PCDHGC4: variants seen among roughly 807,000 people sequenced by gnomAD.
PCDHGC4 encodes the protein protocadherin gamma subfamily C, 4, also known as protocadherin gamma-C4.
Under a neutral mutation model 59.7 loss-of-function variants are expected in PCDHGC4, and 15 were observed. The ratio of observed to expected loss-of-function variants is 0.25; its 90% CI spans 0.17 to 0.39. The LOEUF is 0.39. Among genes scored for constraint, PCDHGC4 ranks in the 10% least tolerant of loss-of-function variants. PCDHGC4 has a pLI of 1.00. For missense variants in PCDHGC4, 1,016 were observed against 1,189.5 expected (o/e 0.85, Z 2.15); for synonymous variants, 434 against 481.4 (o/e 0.90, Z 1.29).
In PCDHGC4 at chr5:141,489,071, CA is replaced by C; in HGVS notation, c.2442+1457del. 3.1e-6 allele frequency: 1 copy of C among 326,700 alleles called. No homozygotes were observed. Among genetic ancestry groups the C allele is most frequent in the East Asian group, 5.9e-5 (1 of 17,012 alleles). 20.2% of individuals were successfully genotyped at this position (326,700 alleles called of 1,614,324 possible). A position where few individuals can be genotyped will look rare whatever the true frequency, so the allele number is the denominator to read the frequency against. On this transcript the variant is annotated intron_variant, in intron 1 of 3. Transcript: ENST00000306593. This position sits in a 1 kb window ranked among gnomAD's most constrained non-coding sequence, Gnocchi z 4.5. Reference sequence around the variant, plus strand: ...AAATTCAGCTCCCCTCCCCCCTGCCCACCCCCGCCACTCGGTGACTAAGAAC... The same window carrying C: ...AAATTCAGCTCCCCTCCCCCCTGCCCCCCCCGCCACTCGGTGACTAAGAAC...
chr5:141,511,560 T>C lies in PCDHGC4; in HGVS notation c.*387T>C. ...CCACCCCACTCCAACAGTTCCTCTT[T>C]CCCGAGTAAGGTGGTTGGGGTGTTG... On this transcript the variant is annotated 3_prime_UTR_variant, in exon 4 of 4. Coordinates refer to ENST00000306593, the MANE Select transcript of PCDHGC4 (RefSeq NM_018928.3). The C allele has an allele frequency of 3.3e-6, 1 of 298,990 alleles. No homozygotes were observed. The highest frequency in any genetic ancestry group is 3.7e-5 in the South Asian group (1 of 27,250). The allele number at this position is 298,990 out of a possible 1,614,324, so 18.5% of individuals were successfully genotyped here.
At chr5:141,504,288 GT>G (rs1175142876) in intron 2 of PCDHGC4, among the ~76,000 whole-genome samples, 1 of 152,124 alleles carries the variant, frequency 6.6e-6, no homozygotes, top group Non-Finnish European at 1.5e-5. Flanking sequence ...ATCATTTCAT[GT>G]TTTTTCAACA....
At chr5:141,503,241 A>G (rs1399557839) in intron 2 of PCDHGC4, among the ~76,000 whole-genome samples, 1 of 152,074 alleles carries the variant, frequency 6.6e-6, no homozygotes, top group Non-Finnish European at 1.5e-5. Context: ...GACAGTTTCT[A>G]TCATACTCAC....
rs2099605934 is a variant in PCDHGC4, at chr5:141,485,057, C to G, written c.-117C>G. On this transcript the variant is annotated 5_prime_UTR_variant, in exon 1 of 4. Transcript: ENST00000306593. The surrounding 1 kb of genome is among the most constrained non-coding windows in gnomAD (Gnocchi z 5.7). ...GTAACCCTTGCGGCGCCGGCCGAAC[C>G]GCGCCAGAGCTGGCGCGGGGAAAGG... The G allele has an allele frequency of 1.2e-6, 1 of 843,720 alleles. No homozygotes were observed. Among genetic ancestry groups the G allele is most frequent in the Non-Finnish European group, 1.9e-6 (1 of 524,586 alleles). 52.3% of individuals were successfully genotyped at this position (843,720 alleles called of 1,614,324 possible).
chr5:141,506,304 C>A (rs569926873), intron 3 of PCDHGC4, among the ~76,000 whole-genome samples: 3 of 152,078 alleles, frequency 2.0e-5, no homozygotes, highest in Non-Finnish European at 4.4e-5. Context: ...CAAAAATTAG[C>A]TGGGCATGGT....
At chr5:141,508,434 G>A (rs2099868795) in intron 3 of PCDHGC4, among the ~76,000 whole-genome samples, 1 of 152,160 alleles carries the variant, frequency 6.6e-6, no homozygotes, top group Admixed American at 6.5e-5. Flanking sequence ...AGCTCACACA[G>A]TTCCTTAGTG....
At chr5:141,488,599 C>T (rs1017044328) in intron 1 of PCDHGC4, among the ~76,000 whole-genome samples, 1 of 152,152 alleles carries the variant, frequency 6.6e-6, no homozygotes, top group Non-Finnish European at 1.5e-5. Flanking sequence ...CAAGACTTTA[C>T]AAGGTTCTTA....
In PCDHGC4 at chr5:141,485,099, G is replaced by T; in HGVS notation, c.-75G>T. The T allele has an allele frequency of 8.7e-7, 1 of 1,145,218 alleles. No individual in the cohort carries two copies. Among genetic ancestry groups the T allele is most frequent in the Non-Finnish European group, 1.3e-6 (1 of 775,682 alleles). 70.9% of individuals were successfully genotyped at this position (1,145,218 alleles called of 1,614,324 possible). A position where few individuals can be genotyped will look rare whatever the true frequency, so the allele number is the denominator to read the frequency against. ...GGGGAAAGGGAGATAGGTGTCTCCA[G>T]CTGCTGTGGCTGTTTGGGGCGGGTC... On this transcript the variant is annotated 5_prime_UTR_variant, in exon 1 of 4. Transcript: ENST00000306593. The surrounding 1 kb of genome is among the most constrained non-coding windows in gnomAD (Gnocchi z 5.7).
At position 141,511,572 on chromosome 5, in the gene PCDHGC4, T is replaced by C. The variant is rs1366960269; in HGVS notation, c.*399T>C. The C allele has an allele frequency of 1.0e-5, 3 of 289,550 alleles. No homozygotes were observed. The East Asian group carries it at 2.4e-4, about 23-fold the overall frequency. 17.9% of individuals were successfully genotyped at this position (289,550 alleles called of 1,614,324 possible). ...AACAGTTCCTCTTTCCCGAGTAAGG[T>C]GGTTGGGGTGTTGAAGTACCAAGTA... On this transcript the variant is annotated 3_prime_UTR_variant, in exon 4 of 4. Coordinates refer to ENST00000306593, the MANE Select transcript of PCDHGC4 (RefSeq NM_018928.3).
chr5:141,485,408 T>C lies in PCDHGC4; in HGVS notation c.235T>C (p.Leu79=). Residue 79 remains leucine, a synonymous_variant, in exon 1 of 4, where the codon TTG becomes CTG. Transcript: ENST00000306593. The surrounding 1 kb of genome is among the most constrained non-coding windows in gnomAD (Gnocchi z 5.7). ...GAACCAAAGACACTTCCGTGTGGAT[T>C]TGGACAGCGGAGCCCTGCTCATCAA... The part of the protein sequence containing the change: ...EVNQRHFRVD[L]DSGALLIKNP... 1 of 1,614,112 alleles carries C rather than the reference T, an allele frequency of 6.2e-7. No individual in the cohort carries two copies. Among genetic ancestry groups the C allele is most frequent in the Non-Finnish European group, 8.5e-7 (1 of 1,180,034 alleles).
chr5:141,492,078 C>T (rs948391194), intron 1 of PCDHGC4: 4 of 483,290 alleles, frequency 8.3e-6, no homozygotes, highest in African/African-American at 2.0e-5. Flanking sequence ...GCGCCGGCTC[C>T]GGCACGCTTC....
In PCDHGC4 at chr5:141,487,120, T is replaced by C. The variant is rs1342042604; in HGVS notation, c.1947T>C (p.Asp649=). 1.9e-6 allele frequency: 3 copies of C among 1,613,948 alleles called. No homozygotes were observed. Among genetic ancestry groups the C allele is most frequent in the Admixed American group, 1.7e-5 (1 of 60,028 alleles). ...AGAAGCTGGTCATTGTGGTAAAGGA[T>C]AGTGGTAGTCCACCACTCTCTACCT... ...PPQKLVIVVK[D]SGSPPLSTSV... is the part of the protein sequence containing the mutation. The change falls in exon 1 of 4, where the codon GAT becomes GAC. Residue 649 remains aspartate (D), a synonymous_variant. Coordinates refer to ENST00000306593, the MANE Select transcript of PCDHGC4 (RefSeq NM_018928.3). The surrounding 1 kb of genome is among the most constrained non-coding windows in gnomAD (Gnocchi z 5.0).
In PCDHGC4 at chr5:141,485,539, G is replaced by T; in HGVS notation, c.366G>T (p.Glu122Asp). 6.2e-7 allele frequency: 1 copy of T among 1,614,104 alleles called. No individual in the cohort carries two copies. Among genetic ancestry groups the T allele is most frequent in the Non-Finnish European group, 8.5e-7 (1 of 1,179,998 alleles). Residue 122 changes from glutamate (E) to aspartate (D), a missense_variant, in exon 1 of 4, where the codon GAG (glutamate) becomes GAT (aspartate). Physicochemically the swap from Glu to Asp is conservative, Grantham distance 45. Coordinates refer to ENST00000306593, the MANE Select transcript of PCDHGC4 (RefSeq NM_018928.3). This position sits in a 1 kb window ranked among gnomAD's most constrained non-coding sequence, Gnocchi z 5.7. ...GPLEMYRAEVEIVDVNDHAPR... is the reference protein window; with the variant it reads ...GPLEMYRAEVDIVDVNDHAPR... ...TGGAAATGTACCGAGCAGAGGTAGA[G>T]ATCGTAGATGTGAATGATCACGCCC...
rs773499765 is a variant in PCDHGC4 at position 141,489,626 on chromosome 5, A to T, written c.2442+2011A>T. 6.2e-6 allele frequency: 10 copies of T among 1,613,568 alleles called. No individual in the cohort carries two copies. In the South Asian group the frequency reaches 9.9e-5, roughly 16 times the overall value. On this transcript the variant is annotated intron_variant, in intron 1 of 3. Coordinates refer to ENST00000306593, the MANE Select transcript of PCDHGC4 (RefSeq NM_018928.3). The surrounding 1 kb of genome is among the most constrained non-coding windows in gnomAD (Gnocchi z 4.5). The stretch of plus-strand genomic sequence containing the variant: ...GTAGAGATCCTGGATCTCAATGACA[A>T]CTCTCCTAGCTTTGCCACCCCTGAG...
rs561329093 is a variant in PCDHGC4 at position 141,509,163 on chromosome 5, C to A, written c.2591-1784C>A. Among the ~76,000 whole-genome samples the A allele has an allele frequency of 1.4e-4, 21 of 152,322 alleles. No individual in the cohort carries two copies. In the South Asian group the frequency reaches 4.1e-3, roughly 30 times the overall value. On this transcript the variant is annotated intron_variant, in intron 3 of 3. Coordinates refer to ENST00000306593, the MANE Select transcript of PCDHGC4 (RefSeq NM_018928.3). ...CATCCCGGCTCTCCCCTCCCGTGTG[C>A]CCTCCTCCTCTTATGCCGGCTTGAA...
At chr5:141,503,554 G>A (rs1395044357) in intron 2 of PCDHGC4, among the ~76,000 whole-genome samples, 11 of 149,146 alleles carry the variant, frequency 7.4e-5, no homozygotes, top group East Asian at 3.9e-4. Flanking sequence ...AGCCGAGATC[G>A]CGCCACTGTA....
At position 141,485,301 on chromosome 5, in the gene PCDHGC4, C is replaced by T; in HGVS notation, c.128C>T (p.Thr43Ile). 1 of 1,614,124 alleles carries T rather than the reference C, an allele frequency of 6.2e-7. No homozygotes were observed. The highest frequency in any genetic ancestry group is 1.1e-5 in the South Asian group (1 of 91,082). ...YPVPEESQEG[T>I]FVGNVAQDFL... The stretch of plus-strand genomic sequence containing the variant: ...GTCCCAGAGGAGTCACAGGAAGGGA[C>T]TTTTGTAGGGAATGTCGCTCAAGAT... The change falls in exon 1 of 4, where the codon ACT becomes ATT. Residue 43 changes from threonine (T) to isoleucine (I), a missense_variant. Coordinates refer to ENST00000306593, the MANE Select transcript of PCDHGC4 (RefSeq NM_018928.3). This position sits in a 1 kb window ranked among gnomAD's most constrained non-coding sequence, Gnocchi z 5.7.
intron 2 of PCDHGC4, among the ~76,000 whole-genome samples, chr5:141,500,289 A>G (rs1440166636): frequency 6.6e-6 from 1 of 151,486 alleles, no homozygotes; most frequent in African/African-American, 2.4e-5. Flanking sequence ...GCTCACTGCA[A>G]GCTCCGCCTC....
chr5:141,495,545 A>G (rs1174346915), intron 2 of PCDHGC4, among the ~76,000 whole-genome samples: 3 of 151,824 alleles, frequency 2.0e-5, no homozygotes, highest in Non-Finnish European at 4.4e-5. Flanking sequence ...CTCAGTCTCT[A>G]TCTCGCTTTG....
Sources: gnomAD v4.1 joint callset for allele counts (sites outside exome capture counted in the v4.1 genomes callset) on GRCh38, gnomAD v4.1.1 for gene constraint, Gnocchi (gnomAD v3.1) non-coding constraint, MANE v1.5 for transcripts, NCBI Gene and HGNC (gene_info 2026-07-23, HGNC 2026-07-21) for gene names.